The following SMAD9 variants were observed in gnomAD, a reference collection of about 807,000 sequenced individuals.
The protein encoded by SMAD9 is SMAD family member 9, also known as MAD homolog 9.
In SMAD9, 36 loss-of-function variants were observed where a neutral mutation model predicts 46.1. The observed-to-expected ratio is 0.78, with a 90% CI of 0.60 to 1.03. The LOEUF is 1.03. SMAD9 is among the 50% of genes least tolerant of loss of function. The pLI, the probability that SMAD9 is intolerant of heterozygous loss-of-function variation, is 0.00. For synonymous variants in SMAD9, 245 were observed against 237.1 expected (o/e 1.03, Z -0.31); for missense variants, 572 against 599.8 (o/e 0.95, Z 0.48).
At chr13:36,910,901 T>C (rs1258442670) in intron 1 of SMAD9, among the ~76,000 whole-genome samples, 4 of 152,202 alleles carry the variant, frequency 2.6e-5, no homozygotes, top group Non-Finnish European at 5.9e-5. Context: ...CAAGCCACAT[T>C]GTGGTCTGTA....
rs535733772 is a variant in SMAD9, at chr13:36,893,978, A to G, written c.-186-14103T>C. On this transcript the variant is annotated intron_variant, in intron 1 of 6. Coordinates refer to ENST00000379826, the MANE Select transcript of SMAD9 (RefSeq NM_001127217.3). ...AAATAAAATATTTTAATTTAAAACA[A>G]AATCCTAGACAATTTTATATAACAT... 1.1e-4 allele frequency among the ~76,000 whole-genome samples: 16 copies of G among 152,318 alleles called. No homozygotes were observed. The East Asian group carries it at 3.1e-3, about 29-fold the overall frequency.
chr13:36,896,499 G>C (rs1341903158), intron 1 of SMAD9, among the ~76,000 whole-genome samples: 8 of 151,868 alleles, frequency 5.3e-5, no homozygotes, highest in Non-Finnish European at 8.8e-5. Flanking sequence ...TCTCCCTCCA[G>C]ACCTCCCAAA....
At chr13:36,860,451 CTT>C (rs1195704304) in intron 5 of SMAD9, among the ~76,000 whole-genome samples, 20 of 135,618 alleles carry the variant, frequency 1.5e-4, no homozygotes, top group Admixed American at 1.5e-4. Context: ...ATTTTTTTAC[CTT>C]TTTTTTTTTT....
chr13:36,870,317 T>C (rs144240743), intron 3 of SMAD9, among the ~76,000 whole-genome samples: 175 of 152,290 alleles, frequency 1.1e-3, no homozygotes, highest in Non-Finnish European at 2.2e-3. Flanking sequence ...CAAGGTTCTG[T>C]CCTCAAATGA....
intron 1 of SMAD9, among the ~76,000 whole-genome samples, chr13:36,882,227 C>CTGTGTGTGTG (rs61006734): frequency 8.6e-4 from 128 of 149,430 alleles, no homozygotes; most frequent in East Asian, 2.5e-3. Flanking sequence ...CAGGTATGTG[C>CTGTGTGTGTG]TGTGTGTGTG....
At chr13:36,881,471 C>G (rs538893764) in intron 1 of SMAD9, among the ~76,000 whole-genome samples, 3 of 152,190 alleles carry the variant, frequency 2.0e-5, no homozygotes, top group African/African-American at 7.2e-5. Context: ...TGCCTTATAA[C>G]CCCCCGCTAG....
chr13:36,872,857 C>T lies in SMAD9; in HGVS notation c.471G>A (p.Leu157=). Residue 157 remains leucine, a synonymous_variant, in exon 3 of 7, where the codon CTG becomes CTA. Coordinates refer to ENST00000379826, the MANE Select transcript of SMAD9 (RefSeq NM_001127217.3). ...HSEYNPQLSL[L]AKFRSASLHS... ...GCAGGGAGGCGCTGCGGAACTTGGC[C>T]AGGAGGCTGAGCTGGGGGTTATATT... is the stretch of plus-strand genomic sequence containing the variant. 3 of 1,614,104 alleles carry T rather than the reference C, an allele frequency of 1.9e-6. No homozygotes were observed. The highest frequency in any genetic ancestry group is 2.5e-6 in the Non-Finnish European group (3 of 1,180,016).
chr13:36,873,062 A>C, intron 2 of SMAD9, 147 bp from the exon 3 acceptor site: 1 of 896,480 alleles, frequency 1.1e-6, no homozygotes, highest in Non-Finnish European at 1.8e-6. Flanking sequence ...CTTTGTGCTC[A>C]TCATAAAACT....
intron 1 of SMAD9, among the ~76,000 whole-genome samples, chr13:36,888,745 T>C (rs1260860694): frequency 6.6e-6 from 1 of 152,172 alleles, no homozygotes; most frequent in Non-Finnish European, 1.5e-5. Flanking sequence ...ACTTGGCACC[T>C]GGAAGTGAGG....
chr13:36,882,171 G>A (rs1353609594), intron 1 of SMAD9, among the ~76,000 whole-genome samples: 4 of 151,548 alleles, frequency 2.6e-5, no homozygotes, highest in Non-Finnish European at 5.9e-5. Flanking sequence ...AGCAGCTGAC[G>A]AAAAATAAGT....
intron 1 of SMAD9, among the ~76,000 whole-genome samples, chr13:36,911,654 A>G (rs1019773244): frequency 1.3e-4 from 19 of 151,000 alleles, no homozygotes; most frequent in African/African-American, 4.6e-4. Flanking sequence ...AAACTGATAA[A>G]GAATCACAAA....
intron 1 of SMAD9, 80 bp from the exon 2 acceptor site, chr13:36,879,955 T>C (rs973558391): frequency 7.9e-6 from 4 of 504,296 alleles, no homozygotes; most frequent in African/African-American, 5.8e-5. Flanking sequence ...AAAGAGGCAA[T>C]CTACACCTAC....
chr13:36,905,370 A>G (rs1464920139), intron 1 of SMAD9, among the ~76,000 whole-genome samples: 2 of 152,122 alleles, frequency 1.3e-5, no homozygotes, highest in Non-Finnish European at 2.9e-5. Context: ...TCTTTTGAGT[A>G]TCTTCTTTTG....
rs1178618157 is a variant in SMAD9 at position 36,847,858 on chromosome 13, G to C, written c.*818C>G. 6.6e-6 allele frequency: 1 copy of C among 152,256 alleles called. No individual in the cohort carries two copies. Among genetic ancestry groups the C allele is most frequent in the South Asian group, 2.1e-4 (1 of 4,836 alleles). 9.4% of individuals were successfully genotyped at this position (152,256 alleles called of 1,614,324 possible). ...CAAAGTTTGCAGGACTGCCTGACAC[G>C]AACAACCAGCACGACAGGAACCTGG... On this transcript the variant is annotated 3_prime_UTR_variant, in exon 7 of 7. Coordinates refer to ENST00000379826, the MANE Select transcript of SMAD9 (RefSeq NM_001127217.3).
chr13:36,920,324 CGCCGCGCGCT>C (rs1384759833), upstream of SMAD9: 2 of 136,198 alleles, frequency 1.5e-5, no homozygotes, highest in Non-Finnish European at 3.4e-5. Context: ...CCCCGCCCGC[CGCCGCGCGCT>C]CTGGCCGCTC....
At chr13:36,874,013 A>G (rs973761387) in intron 2 of SMAD9, among the ~76,000 whole-genome samples, 1 of 152,366 alleles carries the variant, frequency 6.6e-6, no homozygotes, top group South Asian at 2.1e-4. Context: ...TCTTAAGGGC[A>G]AGCTTTGCCC....
intron 2 of SMAD9, among the ~76,000 whole-genome samples, chr13:36,874,854 C>CAA (rs529721275): frequency 8.1e-3 from 533 of 65,878 alleles, no homozygotes; most frequent in Non-Finnish European, 0.012. Context: ...GACTCCGTCC[C>CAA]AAAAAAAAAA....
At chr13:36,882,731 T>C (rs1337553465) in intron 1 of SMAD9, among the ~76,000 whole-genome samples, 1 of 152,240 alleles carries the variant, frequency 6.6e-6, no homozygotes, top group Non-Finnish European at 1.5e-5. Flanking sequence ...CTGGTGGGTA[T>C]ACAGATGTTC....
intron 5 of SMAD9, among the ~76,000 whole-genome samples, chr13:36,857,538 G>C (rs1566014859): frequency 1.3e-5 from 2 of 152,176 alleles, no homozygotes; most frequent in Non-Finnish European, 1.5e-5. Context: ...ATGAGGACTA[G>C]AAGAACCTTG....
Sources: allele counts gnomAD v4.1 joint callset (sites outside exome capture counted in the v4.1 genomes callset), GRCh38; gene constraint gnomAD v4.1.1; transcripts MANE v1.5; gene names NCBI Gene and HGNC (gene_info 2026-07-23, HGNC 2026-07-21).